KCNMA1: variants seen among roughly 807,000 people sequenced by gnomAD.
KCNMA1 encodes potassium calcium-activated channel subfamily M alpha 1.
Under a neutral mutation model 140.0 loss-of-function variants are expected in KCNMA1, and 29 were observed. The observed-to-expected ratio is 0.21, with a 90% CI of 0.15 to 0.28. The LOEUF is 0.28. Among genes scored for constraint, KCNMA1 ranks in the 10% least tolerant of loss-of-function variants. KCNMA1 has a pLI of 1.00. For synonymous variants in KCNMA1, 612 were observed against 611.9 expected (o/e 1.00, Z 0.00); for missense variants, 880 against 1,602.2 (o/e 0.55, Z 7.70).
At chr10:77,112,498 G>T in intron 6 of KCNMA1, 56 bp from the exon 7 acceptor site, 2 of 1,396,462 alleles carry the variant, frequency 1.4e-6, no homozygotes, top group Non-Finnish European at 2.0e-6. Flanking sequence ...GCCCTGCTGG[G>T]GCTGCCTTAC....
intron 9 of KCNMA1, among the ~76,000 whole-genome samples, chr10:77,099,501 G>A (rs929104530): frequency 4.6e-5 from 7 of 152,052 alleles, no homozygotes; most frequent in Non-Finnish European, 7.4e-5. Flanking sequence ...GATCACCTGC[G>A]GTCAGGAGTT....
intron 1 of KCNMA1, among the ~76,000 whole-genome samples, chr10:77,625,665 G>C (rs1258133246): frequency 6.6e-6 from 1 of 152,146 alleles, no homozygotes; most frequent in Non-Finnish European, 1.5e-5. Flanking sequence ...CTATGTGGTA[G>C]CACGTGTCAG....
At chr10:76,881,008 G>A (rs376571802), downstream of KCNMA1, among the ~76,000 whole-genome samples, 3 of 152,266 alleles carry the variant, frequency 2.0e-5, no homozygotes, top group Admixed American at 6.5e-5. Context: ...TCAGGAGTTC[G>A]TGGAGTTAGG....
chr10:77,180,392 C>A lies in KCNMA1; in HGVS notation c.808+3029G>T, dbSNP rs113293395. Among the ~76,000 whole-genome samples the A allele has an allele frequency of 6.7e-4, 102 of 152,304 alleles. 1 individual carries two copies. Among genetic ancestry groups the A allele is most frequent in the African/African-American group, 2.4e-3 (98 of 41,572 alleles). Reference sequence around the variant, plus strand: ...CCTTGAAATATTATTGTACTGAATTCTCTTCCATAACAGGGAGATCAGTTT... The same window carrying A: ...CCTTGAAATATTATTGTACTGAATTATCTTCCATAACAGGGAGATCAGTTT... On this transcript the variant is annotated intron_variant, in intron 5 of 27. Coordinates refer to ENST00000286628, the MANE Select transcript of KCNMA1 (RefSeq NM_001161352.2).
At chr10:77,041,655 C>T (rs2094701867) in intron 14 of KCNMA1, among the ~76,000 whole-genome samples, 3 of 152,262 alleles carry the variant, frequency 2.0e-5, no homozygotes, top group Non-Finnish European at 4.4e-5. Context: ...AACGTTGAGC[C>T]GCTATGGGAG....
At chr10:77,585,697 C>G (rs1240528832) in intron 1 of KCNMA1, among the ~76,000 whole-genome samples, 2 of 152,192 alleles carry the variant, frequency 1.3e-5, no homozygotes, top group Non-Finnish European at 2.9e-5. Context: ...TCATGATTCC[C>G]AGACGAACAA....
rs114729661 is a variant in KCNMA1, at chr10:77,135,137, T to A, written c.809-14089A>T. On this transcript the variant is annotated intron_variant, in intron 5 of 27. Coordinates refer to ENST00000286628, the MANE Select transcript of KCNMA1 (RefSeq NM_001161352.2). ...ATATTCAAAATATATAGAGAACACA[T>A]CTCAATAGCAAGAAAGCAAATAGCC... Among the ~76,000 whole-genome samples, 819 of 146,772 alleles carry A rather than the reference T, an allele frequency of 5.6e-3. 10 individuals are homozygous for A. The highest frequency in any genetic ancestry group is 0.02 in the African/African-American group (795 of 39,750).
intron 5 of KCNMA1, among the ~76,000 whole-genome samples, chr10:77,169,397 AT>A (rs202138053): frequency 2.7e-4 from 41 of 149,572 alleles, no homozygotes; most frequent in Middle Eastern, 3.4e-3. Context: ...TTTTATTTTT[AT>A]TTTTTTTTTA....
chr10:77,218,082 G>A (rs1489186428), intron 3 of KCNMA1, among the ~76,000 whole-genome samples: 1 of 152,120 alleles, frequency 6.6e-6, no homozygotes, highest in African/African-American at 2.4e-5. Context: ...TTGCGTGGGT[G>A]GGGAAGTTCA....
At chr10:77,415,897 C>T (rs2096731797) in intron 1 of KCNMA1, among the ~76,000 whole-genome samples, 1 of 152,236 alleles carries the variant, frequency 6.6e-6, no homozygotes, top group African/African-American at 2.4e-5. Flanking sequence ...TTTTCTTTGA[C>T]ATTATATCGT....
At chr10:77,020,006 T>C (rs1230454045) in intron 16 of KCNMA1, 3 of 152,220 alleles carry the variant, frequency 2.0e-5, no homozygotes. Flanking sequence ...AGTTTAATTT[T>C]CTGCAGATCA....
chr10:76,929,370 C>T (rs2058682179), intron 23 of KCNMA1, among the ~76,000 whole-genome samples: 1 of 152,078 alleles, frequency 6.6e-6, no homozygotes, highest in Admixed American at 6.6e-5. Context: ...TTGTTTGTGC[C>T]CACCTGCCTT....
At chr10:76,873,951 T>C (rs527789682), downstream of KCNMA1, 2 of 151,662 alleles carry the variant, frequency 1.3e-5, no homozygotes, top group African/African-American at 2.4e-5. Flanking sequence ...TGGGGAAACA[T>C]AAATGGGGAA....
chr10:77,480,681 C>T (rs372952852), intron 1 of KCNMA1, among the ~76,000 whole-genome samples: 3 of 152,170 alleles, frequency 2.0e-5, no homozygotes, highest in South Asian at 2.1e-4. Context: ...CTGTTACAGG[C>T]GCCTCCAAGA....
At chr10:77,441,569 G>A (rs533665977) in intron 1 of KCNMA1, among the ~76,000 whole-genome samples, 3 of 151,800 alleles carry the variant, frequency 2.0e-5, no homozygotes, top group Non-Finnish European at 4.4e-5. Flanking sequence ...CCACCCCCTC[G>A]CAGGGTTATA....
chr10:76,963,965 C>T (rs181524583), intron 20 of KCNMA1, among the ~76,000 whole-genome samples: 118 of 152,154 alleles, frequency 7.8e-4, no homozygotes, highest in Admixed American at 9.8e-4. Flanking sequence ...GTGTTCAGCA[C>T]CATAAATGGT....
At chr10:77,129,912 A>C (rs1385320651) in intron 5 of KCNMA1, among the ~76,000 whole-genome samples, 2 of 152,214 alleles carry the variant, frequency 1.3e-5, no homozygotes, top group African/African-American at 4.8e-5. Flanking sequence ...AATCCATTAT[A>C]GGATAACAAT....
chr10:77,051,699 A>AGTTC (rs1444621550), intron 14 of KCNMA1, among the ~76,000 whole-genome samples: 1 of 152,178 alleles, frequency 6.6e-6, no homozygotes, highest in Non-Finnish European at 1.5e-5. Flanking sequence ...GAAGTGCCTA[A>AGTTC]GTTCACGCAG....
At position 76,988,820 on chromosome 10, in the gene KCNMA1, G is replaced by A. The variant is rs1053149042; in HGVS notation, c.2266+12587C>T. On this transcript the variant is annotated intron_variant, in intron 19 of 27. Transcript: ENST00000286628. ...CCAGGACCTAAGGATTCTAACAGCT[G>A]GGCTAAAATCTAAGACACACATTTA... Among the ~76,000 whole-genome samples, 5 of 152,122 alleles carry A rather than the reference G, an allele frequency of 3.3e-5. 1 individual carries two copies. Among genetic ancestry groups the A allele is most frequent in the Admixed American group, 2.0e-4 (3 of 15,268 alleles).
Sources: gnomAD v4.1 joint callset for allele counts (sites outside exome capture counted in the v4.1 genomes callset) on GRCh38, gnomAD v4.1.1 for gene constraint, MANE v1.5 for transcripts, NCBI Gene and HGNC (gene_info 2026-07-23, HGNC 2026-07-21) for gene names.